The following ZNF385D variants were observed in gnomAD, a reference collection of about 807,000 sequenced individuals.
ZNF385D encodes the protein zinc finger protein 385D.
A neutral mutation model predicts 35.8 loss-of-function variants in ZNF385D; 15 were observed. The ratio of observed to expected loss-of-function variants is 0.42; its 90% CI spans 0.28 to 0.64. ZNF385D has a LOEUF of 0.64. ZNF385D is among the 30% of genes least tolerant of loss of function. ZNF385D has a pLI of 0.23. For missense variants in ZNF385D, 474 were observed against 494.6 expected (o/e 0.96, Z 0.39); for synonymous variants, 212 against 186.8 (o/e 1.13, Z -1.10).
At chr3:21,858,391 TC>T (rs1326134400) in intron 3 of ZNF385D, among the ~76,000 whole-genome samples, 1 of 151,876 alleles carries the variant, frequency 6.6e-6, no homozygotes, top group East Asian at 1.9e-4. Context: ...AATGTTTATG[TC>T]CCCCCTACCC....
intron 2 of ZNF385D, among the ~76,000 whole-genome samples, chr3:21,592,299 G>A (rs2063998272): frequency 6.6e-6 from 1 of 151,974 alleles, no homozygotes; most frequent in Non-Finnish European, 1.5e-5. Context: ...TCACTTGAAT[G>A]ATACTGTTCT....
intron 3 of ZNF385D, among the ~76,000 whole-genome samples, chr3:21,986,282 CCTG>C (rs1251216866): frequency 2.7e-5 from 2 of 75,076 alleles, no homozygotes; most frequent in Non-Finnish European, 4.7e-5. Context: ...TTGGATCTTT[CCTG>C]CTTTCTCTTG....
chr3:22,281,230 T>G (rs985108980), intron 2 of ZNF385D, among the ~76,000 whole-genome samples: 3 of 152,092 alleles, frequency 2.0e-5, no homozygotes, highest in African/African-American at 7.2e-5. Context: ...CCTTTCTTTC[T>G]TTCTCTTGTC....
intron 3 of ZNF385D, among the ~76,000 whole-genome samples, chr3:21,924,120 T>C (rs960487626): frequency 6.6e-6 from 1 of 152,108 alleles, no homozygotes; most frequent in African/African-American, 2.4e-5. Context: ...AAATAAACAA[T>C]TTATGCATTA....
At chr3:21,720,400 A>G (rs542981997) in intron 1 of ZNF385D, among the ~76,000 whole-genome samples, 1 of 152,314 alleles carries the variant, frequency 6.6e-6, no homozygotes, top group African/African-American at 2.4e-5. Context: ...ACAAAAATTT[A>G]AATGTTATCC....
chr3:21,859,820 C>A (rs1696948006), intron 3 of ZNF385D, among the ~76,000 whole-genome samples: 1 of 152,050 alleles, frequency 6.6e-6, no homozygotes, highest in African/African-American at 2.4e-5. Flanking sequence ...CCAAACGTGG[C>A]ACTTTCCATT....
intron 1 of ZNF385D, among the ~76,000 whole-genome samples, chr3:21,691,295 T>G (rs1405981499): frequency 3.3e-5 from 5 of 152,188 alleles, no homozygotes; most frequent in Non-Finnish European, 7.3e-5. Context: ...ATATCCAACC[T>G]TAGCTGCTTC....
intron 3 of ZNF385D, among the ~76,000 whole-genome samples, chr3:22,073,254 C>G (rs964867184): frequency 6.0e-5 from 9 of 151,080 alleles, no homozygotes; most frequent in African/African-American, 1.9e-4. Context: ...TAAGATTTCC[C>G]TTTTGGATTC....
intron 2 of ZNF385D, among the ~76,000 whole-genome samples, chr3:21,656,705 C>T (rs1235127724): frequency 6.6e-6 from 1 of 151,870 alleles, no homozygotes; most frequent in Non-Finnish European, 1.5e-5. Flanking sequence ...AAGTAGATGT[C>T]AGGAGTCCCA....
intron 3 of ZNF385D, among the ~76,000 whole-genome samples, chr3:21,790,218 T>C (rs2071870440): frequency 1.3e-5 from 2 of 149,536 alleles, no homozygotes; most frequent in African/African-American, 4.9e-5. Flanking sequence ...TCTTTCAATA[T>C]TCTGAGCTTT....
At chr3:22,176,384 CT>C (rs1165482489) in intron 2 of ZNF385D, among the ~76,000 whole-genome samples, 1 of 152,142 alleles carries the variant, frequency 6.6e-6, no homozygotes. Flanking sequence ...TTAAATATCA[CT>C]TAGGAACTTC....
At chr3:21,922,344 A>G (rs1700509852) in intron 3 of ZNF385D, among the ~76,000 whole-genome samples, 1 of 152,222 alleles carries the variant, frequency 6.6e-6, no homozygotes, top group African/African-American at 2.4e-5. Flanking sequence ...CTCATAAGCA[A>G]AAAAGAATAA....
At chr3:21,884,045 C>A (rs913094082) in intron 3 of ZNF385D, among the ~76,000 whole-genome samples, 1 of 151,986 alleles carries the variant, frequency 6.6e-6, no homozygotes, top group African/African-American at 2.4e-5. Context: ...TGTAGCATAA[C>A]ACACACAATA....
chr3:22,038,008 GA>G (rs1698444524), intron 3 of ZNF385D, among the ~76,000 whole-genome samples: 1 of 152,078 alleles, frequency 6.6e-6, no homozygotes, highest in Admixed American at 6.6e-5. Flanking sequence ...ATGGTGCTGG[GA>G]AAACTGGCTA....
chr3:21,681,298 T>TAAAAAAAAAAAAAAAA lies in ZNF385D; in HGVS notation c.23-16286_23-16271dup, dbSNP rs55872870. ...AGCCTATGTGAATATATTCCATCAG[T>TAAAAAAAAAAAAAAAA]AAAAAAAAAAAAAAAAAAAAAAAAA... On this transcript the variant is annotated intron_variant, in intron 1 of 7. Coordinates refer to ENST00000281523, the MANE Select transcript of ZNF385D (RefSeq NM_024697.3). Among the ~76,000 whole-genome samples the TAAAAAAAAAAAAAAAA allele has an allele frequency of 7.8e-4, 50 of 64,470 alleles. 3 individuals are homozygous for TAAAAAAAAAAAAAAAA. The highest frequency in any genetic ancestry group is 2.7e-3 in the African/African-American group (49 of 17,838). 42.3% of individuals were successfully genotyped at this position (64,470 alleles called of 152,430 possible). A position where few individuals can be genotyped will look rare whatever the true frequency, so the allele number is the denominator to read the frequency against.
chr3:22,206,399 C>G (rs1002340141), intron 2 of ZNF385D, among the ~76,000 whole-genome samples: 14 of 152,010 alleles, frequency 9.2e-5, no homozygotes, highest in African/African-American at 3.4e-4. Flanking sequence ...AAAGAAACAT[C>G]AGACTTAATC....
At chr3:21,873,038 A>G (rs1246491161) in intron 3 of ZNF385D, among the ~76,000 whole-genome samples, 1 of 152,170 alleles carries the variant, frequency 6.6e-6, no homozygotes, top group Non-Finnish European at 1.5e-5. Flanking sequence ...GTTCGGCATC[A>G]TATAATAAAA....
intron 2 of ZNF385D, among the ~76,000 whole-genome samples, chr3:21,593,738 A>G (rs1233040949): frequency 6.6e-6 from 1 of 152,112 alleles, no homozygotes; most frequent in African/African-American, 2.4e-5. Context: ...AGTGAACAAC[A>G]GGAAAGAAAA....
intron 2 of ZNF385D, among the ~76,000 whole-genome samples, chr3:22,256,602 C>G (rs1344626761): frequency 1.3e-5 from 2 of 151,848 alleles, no homozygotes; most frequent in Admixed American, 1.3e-4. Flanking sequence ...AGTGATAAAT[C>G]ATCGTATCTG....
Sources: gnomAD v4.1 joint callset for allele counts (sites outside exome capture counted in the v4.1 genomes callset) on GRCh38, gnomAD v4.1.1 for gene constraint, MANE v1.5 for transcripts, NCBI Gene and HGNC (gene_info 2026-07-23, HGNC 2026-07-21) for gene names.